TBC1D1: variants seen among roughly 807,000 people sequenced by gnomAD.
TBC1D1 encodes TBC1 domain family member 1.
In TBC1D1, 89 loss-of-function variants were observed where a neutral mutation model predicts 125.6. The observed-to-expected ratio is 0.71, with a 90% CI of 0.60 to 0.85. The LOEUF (loss-of-function observed/expected upper bound fraction) is 0.85. Among genes scored for constraint, TBC1D1 ranks in the 40% least tolerant of loss-of-function variants. The pLI is 0.00. For missense variants in TBC1D1, 1,377 were observed against 1,469.2 expected (o/e 0.94, Z 1.03); for synonymous variants, 565 against 564.1 (o/e 1.00, Z -0.02).
chr4:38,014,748 C>G lies in TBC1D1; in HGVS notation c.657C>G (p.Ala219=). 1 of 1,611,296 alleles carries G rather than the reference C, an allele frequency of 6.2e-7. No individual in the cohort carries two copies. The highest frequency in any genetic ancestry group is 8.5e-7 in the Non-Finnish European group (1 of 1,179,022). The change falls in exon 3 of 20, where the codon GCC becomes GCG. Residue 219 remains alanine, a synonymous_variant. Transcript: ENST00000261439. This position sits in a 1 kb window ranked among gnomAD's most constrained non-coding sequence, Gnocchi z 5.1. ...GCCCCCGCCCCAACCCGCCCCATGC[C>G]GCGCCCACAGGGAGCCAGGAGCCTG...
intron 1 of TBC1D1, among the ~76,000 whole-genome samples, chr4:37,894,534 T>G (rs1225588787): frequency 6.6e-6 from 1 of 152,196 alleles, no homozygotes; most frequent in African/African-American, 2.4e-5. Context: ...TATTTTTCTC[T>G]TCAAAAGACA....
chr4:38,105,949 A>G (rs1165953771), intron 15 of TBC1D1, among the ~76,000 whole-genome samples: 1 of 152,178 alleles, frequency 6.6e-6, no homozygotes, highest in African/African-American at 2.4e-5. Flanking sequence ...TTTTGAGTAT[A>G]TACTCAGTAA....
chr4:38,129,372 C>T (rs1263472724), intron 18 of TBC1D1, among the ~76,000 whole-genome samples: 1 of 152,162 alleles, frequency 6.6e-6, no homozygotes, highest in Non-Finnish European at 1.5e-5. Context: ...TGGTGCCATA[C>T]CAGGAGGGTG....
At chr4:38,055,544 G>A (rs1037105486) in intron 12 of TBC1D1, among the ~76,000 whole-genome samples, 10 of 152,134 alleles carry the variant, frequency 6.6e-5, no homozygotes, top group African/African-American at 2.2e-4. Context: ...GAAGTCCTTC[G>A]GGTGAGCCTG....
intron 15 of TBC1D1, among the ~76,000 whole-genome samples, chr4:38,112,627 GTACT>G (rs1353118221): frequency 1.2e-4 from 18 of 152,218 alleles, no homozygotes; most frequent in Non-Finnish European, 2.4e-4. Context: ...AGGCCATTTT[GTACT>G]TACTTCAAAT....
chr4:37,981,992 T>C (rs1053202945), intron 2 of TBC1D1, among the ~76,000 whole-genome samples: 4 of 152,326 alleles, frequency 2.6e-5, no homozygotes, highest in Admixed American at 2.6e-4. Flanking sequence ...GCTATCTTGT[T>C]TGTCTGTGTT....
rs1767023325 is a variant in TBC1D1, at chr4:38,138,911, C to T, written c.*1576C>T. On this transcript the variant is annotated 3_prime_UTR_variant, in exon 20 of 20. Coordinates refer to ENST00000261439, the MANE Select transcript of TBC1D1 (RefSeq NM_015173.4). The stretch of plus-strand genomic sequence containing the variant: ...AGTGCCTAAACAGGTGGCTGGCATT[C>T]GAGACTTCCTCCTGTTCCCTGGGTC... 1 of 152,618 alleles carries T rather than the reference C, an allele frequency of 6.6e-6. No homozygotes were observed. Among genetic ancestry groups the T allele is most frequent in the African/African-American group, 2.4e-5 (1 of 41,438 alleles). 9.5% of individuals were successfully genotyped at this position (152,618 alleles called of 1,614,324 possible).
intron 14 of TBC1D1, among the ~76,000 whole-genome samples, chr4:38,100,812 T>C (rs1406448209): frequency 6.6e-6 from 1 of 152,214 alleles, no homozygotes; most frequent in East Asian, 1.9e-4. Flanking sequence ...GTTAATAAAA[T>C]GATTACTATT....
At chr4:38,085,210 G>A (rs1417353542) in intron 12 of TBC1D1, among the ~76,000 whole-genome samples, 1 of 152,192 alleles carries the variant, frequency 6.6e-6, no homozygotes, top group Non-Finnish European at 1.5e-5. Flanking sequence ...TGACTCTGTT[G>A]GGAGTGTCAC....
chr4:38,055,185 A>G (rs1751477464), intron 12 of TBC1D1: 1 of 152,130 alleles, frequency 6.6e-6, no homozygotes, highest in South Asian at 2.1e-4. Context: ...ACAGTTGACA[A>G]CTGCCTGACC....
chr4:38,088,920 A>T lies in TBC1D1; in HGVS notation c.2051-1012A>T, dbSNP rs192282009. ...CTTTCATAATATGTATCAAATTGAG[A>T]TGATACTTTATAATTTCAATTCTTG... is the stretch of plus-strand genomic sequence containing the variant. On this transcript the variant is annotated intron_variant, in intron 12 of 19. Transcript: ENST00000261439. 5.3e-4 allele frequency among the ~76,000 whole-genome samples: 80 copies of T among 152,294 alleles called. 1 individual carries two copies. Among genetic ancestry groups the T allele is most frequent in the African/African-American group, 1.8e-3 (73 of 41,566 alleles).
chr4:38,121,038 A>C (rs1311791395), intron 17 of TBC1D1, among the ~76,000 whole-genome samples: 1 of 152,206 alleles, frequency 6.6e-6, no homozygotes, highest in African/African-American at 2.4e-5. Flanking sequence ...ATGAAAATAG[A>C]CTGAAAACAA....
intron 2 of TBC1D1, chr4:37,960,702 G>A (rs373049050): frequency 6.2e-7 from 1 of 1,614,082 alleles, no homozygotes; most frequent in Non-Finnish European, 8.5e-7. Flanking sequence ...AAGCTTTTCT[G>A]CCAAAAAGAT....
intron 17 of TBC1D1, among the ~76,000 whole-genome samples, chr4:38,123,763 T>C (rs1449968307): frequency 1.3e-5 from 2 of 152,204 alleles, no homozygotes; most frequent in Non-Finnish European, 2.9e-5. Flanking sequence ...ACATGGTTAA[T>C]TAAGGGTTTT....
chr4:38,120,350 A>G lies in TBC1D1; in HGVS notation c.2962+2158A>G, dbSNP rs564511252. ...TGCTTTTTTTTCCACAGTCCATCCC[A>G]TCTTTCAGTACTTAAAAACAGAAAA... On this transcript the variant is annotated intron_variant, in intron 17 of 19. Coordinates refer to ENST00000261439, the MANE Select transcript of TBC1D1 (RefSeq NM_015173.4). Among the ~76,000 whole-genome samples the G allele has an allele frequency of 2.0e-5, 3 of 152,260 alleles. No individual in the cohort carries two copies. The East Asian group carries it at 5.8e-4, about 29-fold the overall frequency.
At chr4:38,102,336 A>G (rs1253151030) in intron 14 of TBC1D1, among the ~76,000 whole-genome samples, 1 of 151,954 alleles carries the variant, frequency 6.6e-6, no homozygotes, top group South Asian at 2.1e-4. Context: ...CACATCTTAC[A>G]TGACAATTTT....
intron 8 of TBC1D1, among the ~76,000 whole-genome samples, chr4:38,043,560 G>T (rs1047301021): frequency 6.8e-5 from 10 of 147,546 alleles, no homozygotes; most frequent in African/African-American, 2.3e-4. Context: ...TCCAGCCTGG[G>T]CAACAAAGTG....
intron 2 of TBC1D1, among the ~76,000 whole-genome samples, chr4:37,914,775 C>T (rs551502004): frequency 8.1e-4 from 123 of 152,310 alleles, no homozygotes; most frequent in Non-Finnish European, 1.3e-3. Context: ...TTATATTGCT[C>T]AAACATGACA....
rs1578125222 is a variant in TBC1D1 at position 37,977,442 on chromosome 4, G to C, written c.418-37067G>C. On this transcript the variant is annotated intron_variant, in intron 2 of 19. Transcript: ENST00000261439. This position sits in a 1 kb window ranked among gnomAD's most constrained non-coding sequence, Gnocchi z 4.3. ...CGCCCCCGGCCGCCCGCGGGCCCAC[G>C]GGCCGGCGGCGGGAGTGAGCGGGAG... The C allele has an allele frequency of 1.0e-6, 1 of 978,770 alleles. No homozygotes were observed. The highest frequency in any genetic ancestry group is 1.2e-6 in the Non-Finnish European group (1 of 822,688). 60.6% of individuals were successfully genotyped at this position (978,770 alleles called of 1,614,324 possible). A position where few individuals can be genotyped will look rare whatever the true frequency, so the allele number is the denominator to read the frequency against.
Sources: allele counts gnomAD v4.1 joint callset (sites outside exome capture counted in the v4.1 genomes callset), GRCh38; gene constraint gnomAD v4.1.1; non-coding constraint Gnocchi (gnomAD v3.1); transcripts MANE v1.5; gene names NCBI Gene and HGNC (gene_info 2026-07-23, HGNC 2026-07-21).